PLSCR2: variants seen among roughly 807,000 people sequenced by gnomAD.
PLSCR2 encodes PL scramblase 2.
A neutral mutation model predicts 25.3 loss-of-function variants in PLSCR2; 18 were observed. The ratio of observed to expected loss-of-function variants is 0.71; its 90% confidence interval spans 0.49 to 1.06. The LOEUF (loss-of-function observed/expected upper bound fraction) is 1.06. Among genes scored for constraint, PLSCR2 ranks in the 50% least tolerant of loss-of-function variants. The probability of loss-of-function intolerance (pLI) is 0.00; values close to 1 mark genes in which losing one functional copy is unlikely to be tolerated. For synonymous variants in PLSCR2, 88 were observed against 87.3 expected (o/e 1.01, Z -0.04); for missense variants, 243 against 269.5 (o/e 0.90, Z 0.69).
At chr3:146,490,182 G>A (rs2043495348) in intron 1 of PLSCR2, among the ~76,000 whole-genome samples, 1 of 152,078 alleles carries the variant, frequency 6.6e-6, no homozygotes, top group Non-Finnish European at 1.5e-5. Context: ...GACATGTATA[G>A]GATACCTATT....
chr3:146,473,417 C>G (rs2042184577), intron 1 of PLSCR2, among the ~76,000 whole-genome samples: 1 of 151,414 alleles, frequency 6.6e-6, no homozygotes, highest in Non-Finnish European at 1.5e-5. Flanking sequence ...AAGCAATTCT[C>G]CTACCTCAGC....
chr3:146,402,519 G>A (rs1215272219), intron 2 of PLSCR2, among the ~76,000 whole-genome samples: 1 of 151,850 alleles, frequency 6.6e-6, no homozygotes, highest in African/African-American at 2.4e-5. Flanking sequence ...CCAGGCTGGA[G>A]TGCAGTGGCA....
chr3:146,395,536 AG>A (rs1391307181), intron 3 of PLSCR2, among the ~76,000 whole-genome samples: 2 of 152,172 alleles, frequency 1.3e-5, no homozygotes. Flanking sequence ...TTTTTCATGA[AG>A]GCAAAGGATT....
intron 1 of PLSCR2, among the ~76,000 whole-genome samples, chr3:146,469,787 C>G (rs534530100): frequency 6.9e-5 from 10 of 144,192 alleles, no homozygotes; most frequent in East Asian, 6.3e-4. Flanking sequence ...CCCACCCCCC[C>G]ACGCCGTGTG....
chr3:146,484,568 C>T (rs2043274628), intron 1 of PLSCR2, among the ~76,000 whole-genome samples: 1 of 152,100 alleles, frequency 6.6e-6, no homozygotes, highest in African/African-American at 2.4e-5. Context: ...CAAAGGGAAG[C>T]CCATCAGACT....
At chr3:146,492,481 C>G (rs569307112) in intron 1 of PLSCR2, among the ~76,000 whole-genome samples, 2 of 151,908 alleles carry the variant, frequency 1.3e-5, no homozygotes, top group African/African-American at 2.4e-5. Flanking sequence ...AAATATAAAT[C>G]AATACTAAGG....
chr3:146,481,860 T>A (rs1383332667), intron 1 of PLSCR2, among the ~76,000 whole-genome samples: 2 of 152,172 alleles, frequency 1.3e-5, no homozygotes, highest in African/African-American at 4.8e-5. Flanking sequence ...CAAAACAGCA[T>A]GCTACTGGTA....
chr3:146,489,048 C>G (rs1041637332), intron 1 of PLSCR2, among the ~76,000 whole-genome samples: 2 of 152,100 alleles, frequency 1.3e-5, no homozygotes, highest in Admixed American at 1.3e-4. Context: ...CCATCATTCT[C>G]AGCAAACAAA....
At chr3:146,442,166 C>T (rs1295081775) in intron 6 of PLSCR2, among the ~76,000 whole-genome samples, 1 of 151,948 alleles carries the variant, frequency 6.6e-6, no homozygotes, top group Non-Finnish European at 1.5e-5. Flanking sequence ...TATAACTCTT[C>T]TTGTAATTTG....
downstream of PLSCR2, among the ~76,000 whole-genome samples, chr3:146,429,713 C>T (rs2039477877): frequency 6.6e-6 from 1 of 152,014 alleles, no homozygotes; most frequent in African/African-American, 2.4e-5. Flanking sequence ...GCCAGCTCCA[C>T]CTCCTGGGTT....
chr3:146,486,766 G>A (rs2043360320), intron 1 of PLSCR2, among the ~76,000 whole-genome samples: 1 of 152,044 alleles, frequency 6.6e-6, no homozygotes, highest in Non-Finnish European at 1.5e-5. Context: ...CATTCGTTCT[G>A]AAACTATTCC....
At chr3:146,416,625 T>G (rs957934841) in intron 2 of PLSCR2, 1 of 152,210 alleles carries the variant, frequency 6.6e-6, no homozygotes, top group Admixed American at 6.5e-5. Flanking sequence ...TATGACAAAT[T>G]GAAAATATTT....
chr3:146,399,859 T>G (rs2038404535), intron 2 of PLSCR2, among the ~76,000 whole-genome samples: 1 of 151,544 alleles, frequency 6.6e-6, no homozygotes, highest in African/African-American at 2.4e-5. Flanking sequence ...CATATATAAG[T>G]ATTACCCATT....
intron 1 of PLSCR2, among the ~76,000 whole-genome samples, chr3:146,479,255 A>G (rs150266444): frequency 5.9e-5 from 9 of 152,318 alleles, no homozygotes; most frequent in African/African-American, 1.9e-4. Flanking sequence ...TTAACCTTAA[A>G]TGTAGATGGA....
At chr3:146,418,248 A>T (rs1348856266) in intron 2 of PLSCR2, among the ~76,000 whole-genome samples, 2 of 152,140 alleles carry the variant, frequency 1.3e-5, no homozygotes, top group African/African-American at 4.8e-5. Context: ...AGGACTAGCT[A>T]TCTCACATGC....
At chr3:146,478,897 C>T (rs566922978) in intron 1 of PLSCR2, among the ~76,000 whole-genome samples, 69 of 152,262 alleles carry the variant, frequency 4.5e-4, no homozygotes, top group African/African-American at 1.4e-3. Flanking sequence ...GCGGATCTCT[C>T]GGCAGAAACT....
chr3:146,471,528 T>A (rs2042118205), intron 1 of PLSCR2, among the ~76,000 whole-genome samples: 1 of 152,040 alleles, frequency 6.6e-6, no homozygotes. Flanking sequence ...TTGTTAGTGG[T>A]CTTTATATAT....
At chr3:146,433,885 G>A (rs1013874155) in intron 8 of PLSCR2, among the ~76,000 whole-genome samples, 6 of 152,170 alleles carry the variant, frequency 3.9e-5, no homozygotes, top group Admixed American at 2.6e-4. Flanking sequence ...AGTTCTGCTG[G>A]TGGTAACACT....
intron 1 of PLSCR2, among the ~76,000 whole-genome samples, chr3:146,483,096 G>C (rs887472199): frequency 1.3e-5 from 2 of 151,730 alleles, no homozygotes; most frequent in African/African-American, 2.4e-5. Context: ...CAGATGACAT[G>C]ATTGTATATT....
Sources: gnomAD v4.1 joint callset for allele counts (sites outside exome capture counted in the v4.1 genomes callset) on GRCh38, gnomAD v4.1.1 for gene constraint, MANE v1.5 for transcripts, NCBI Gene and HGNC (gene_info 2026-07-23, HGNC 2026-07-21) for gene names.